ADCY1: variants seen among roughly 807,000 people sequenced by gnomAD.
The protein encoded by ADCY1 is adenylate cyclase 1.
ADCY1 carries 28 observed loss-of-function variants against 105.4 expected under a neutral mutation model. The ratio of observed to expected loss-of-function variants is 0.27; its 90% confidence interval spans 0.20 to 0.36. The LOEUF is 0.36. Among genes scored for constraint, ADCY1 ranks in the 10% least tolerant of loss-of-function variants. ADCY1 has a pLI of 1.00. For missense variants in ADCY1, 977 were observed against 1,434.2 expected (o/e 0.68, Z 5.15); for synonymous variants, 655 against 623.8 (o/e 1.05, Z -0.75).
At chr7:45,701,472 G>A (rs112147081) in intron 14 of ADCY1, among the ~76,000 whole-genome samples, 96 of 152,180 alleles carry the variant, frequency 6.3e-4, no homozygotes, top group East Asian at 1.5e-3. Context: ...ATTCAATTAC[G>A]TTGTTTTCAC....
rs1182519617 is a variant in ADCY1 at position 45,685,009 on chromosome 7, C to T, written c.2014C>T (p.Arg672Cys). 4 of 1,614,172 alleles carry T rather than the reference C, an allele frequency of 2.5e-6. No individual in the cohort carries two copies. The highest frequency in any genetic ancestry group is 1.1e-5 in the South Asian group (1 of 91,078). The stretch of plus-strand genomic sequence containing the variant: ...TCCAGGGTGCCTGACGATTCAGATT[C>T]GCACTGTCCTGTGTATTTTCATAGT... ...CFPGCLTIQIRTVLCIFIVVL... is the reference protein window; with the variant it reads ...CFPGCLTIQICTVLCIFIVVL... Residue 672 changes from arginine (R) to cysteine (C), a missense_variant, in exon 12 of 20, where the codon CGC becomes TGC. Around this residue, in one of 7 missense-constraint regions of ADCY1, gnomAD observed 275 missense variants for 362.1 expected, o/e 0.76. Coordinates refer to ENST00000297323, the MANE Select transcript of ADCY1 (RefSeq NM_021116.4).
chr7:45,594,866 C>G (rs1209529042), intron 2 of ADCY1, among the ~76,000 whole-genome samples: 1 of 152,088 alleles, frequency 6.6e-6, no homozygotes, highest in African/African-American at 2.4e-5. Flanking sequence ...CAGATTTTGT[C>G]TTTATGTTTA....
At chr7:45,677,049 C>T (rs1184113218) in intron 8 of ADCY1, among the ~76,000 whole-genome samples, 1 of 151,860 alleles carries the variant, frequency 6.6e-6, no homozygotes, top group East Asian at 1.9e-4. Flanking sequence ...AGAAAGAAAC[C>T]TCAAGGGACA....
At chr7:45,608,409 G>A (rs1793439049) in intron 2 of ADCY1, among the ~76,000 whole-genome samples, 1 of 152,224 alleles carries the variant, frequency 6.6e-6, no homozygotes, top group Non-Finnish European at 1.5e-5. Context: ...TGGAAAGTAT[G>A]GTCTTTATTC....
At chr7:45,603,608 C>A (rs1793299754) in intron 2 of ADCY1, among the ~76,000 whole-genome samples, 1 of 152,314 alleles carries the variant, frequency 6.6e-6, no homozygotes, top group Middle Eastern at 3.4e-3. Context: ...TACAATATCA[C>A]AACTAGGATA....
At position 45,702,611 on chromosome 7, in the gene ADCY1, T is replaced by C. The variant is rs148709956; in HGVS notation, c.2455-765T>C. Reference sequence around the variant, plus strand: ...TGGTGGCTTCTGCCTCCTAGGGCTGTGCTGGGTCCTGCCAAGAGCACTTCT... The same window carrying C: ...TGGTGGCTTCTGCCTCCTAGGGCTGCGCTGGGTCCTGCCAAGAGCACTTCT... On this transcript the variant is annotated intron_variant, in intron 14 of 19. Transcript: ENST00000297323. 4.1e-3 allele frequency among the ~76,000 whole-genome samples: 621 copies of C among 152,370 alleles called. 4 individuals carry two copies. Among genetic ancestry groups the C allele is most frequent in the African/African-American group, 0.014 (568 of 41,586 alleles).
chr7:45,579,497 C>A (rs1456050098), intron 1 of ADCY1, among the ~76,000 whole-genome samples: 1 of 152,146 alleles, frequency 6.6e-6, no homozygotes. Flanking sequence ...TCCTCCACTT[C>A]CCCTCCCACT....
chr7:45,711,343 C>T (rs192520670), intron 19 of ADCY1, among the ~76,000 whole-genome samples: 3 of 152,088 alleles, frequency 2.0e-5, no homozygotes, highest in South Asian at 2.1e-4. Context: ...TCCCCAGGCA[C>T]GTGACAGCAG....
At chr7:45,689,685 A>T (rs1037503771) in intron 14 of ADCY1, among the ~76,000 whole-genome samples, 1 of 152,184 alleles carries the variant, frequency 6.6e-6, no homozygotes, top group African/African-American at 2.4e-5. Context: ...TACCCAAACC[A>T]TATCAACATC....
intron 4 of ADCY1, among the ~76,000 whole-genome samples, chr7:45,639,072 G>T (rs1794471964): frequency 6.6e-6 from 1 of 152,146 alleles, no homozygotes; most frequent in African/African-American, 2.4e-5. Context: ...TGACGTGCAG[G>T]CTTGGAAAAT....
intron 17 of ADCY1, among the ~76,000 whole-genome samples, chr7:45,706,372 G>A (rs983643842): frequency 6.6e-6 from 1 of 151,340 alleles, no homozygotes; most frequent in East Asian, 2.0e-4. Context: ...AGACTAGGGA[G>A]CCCAGAAATA....
At chr7:45,698,326 T>C (rs1784926585) in intron 14 of ADCY1, among the ~76,000 whole-genome samples, 1 of 152,240 alleles carries the variant, frequency 6.6e-6, no homozygotes, top group South Asian at 2.1e-4. Flanking sequence ...TTTTAATTCA[T>C]TGAATTGTTC....
chr7:45,579,041 C>G (rs150153106), intron 1 of ADCY1, among the ~76,000 whole-genome samples: 1 of 152,318 alleles, frequency 6.6e-6, no homozygotes, highest in African/African-American at 2.4e-5. Flanking sequence ...TGGGAGTCAG[C>G]TGAAATTTCC....
At chr7:45,649,806 G>A (rs766264361) in intron 5 of ADCY1, among the ~76,000 whole-genome samples, 3 of 152,324 alleles carry the variant, frequency 2.0e-5, no homozygotes, top group East Asian at 1.9e-4. Context: ...CACCAACACG[G>A]CTTCATGTCA....
At chr7:45,685,856 A>C (rs1339318351) in intron 12 of ADCY1, 106 bp from the exon 13 acceptor site, 1 of 1,425,170 alleles carries the variant, frequency 7.0e-7, no homozygotes, top group African/African-American at 1.4e-5. Flanking sequence ...GGTGGGTCAG[A>C]GCAAAACCTT....
chr7:45,655,643 T>C (rs1794918154), intron 5 of ADCY1, among the ~76,000 whole-genome samples: 1 of 152,194 alleles, frequency 6.6e-6, no homozygotes, highest in Admixed American at 6.5e-5. Flanking sequence ...CAGAACCGAC[T>C]GGGAAAGATT....
At chr7:45,630,797 A>G (rs1195853368) in intron 4 of ADCY1, among the ~76,000 whole-genome samples, 2 of 152,174 alleles carry the variant, frequency 1.3e-5, no homozygotes, top group African/African-American at 4.8e-5. Flanking sequence ...AATTTATTAC[A>G]TTAGAAAGAT....
At position 45,641,230 on chromosome 7, in the gene ADCY1, C is replaced by T. The variant is rs151159509; in HGVS notation, c.1021-7440C>T. ...GGCTTGATTCCGAGGCCAGGAATCA[C>T]CAGGCAGCTGCAAGGACTGCACCCA... On this transcript the variant is annotated intron_variant, in intron 4 of 19. Transcript: ENST00000297323. 1.7e-4 allele frequency among the ~76,000 whole-genome samples: 26 copies of T among 152,284 alleles called. No homozygotes were observed. In the East Asian group the frequency reaches 4.8e-3, roughly 28 times the overall value.
At chr7:45,588,503 A>C (rs924857709) in intron 1 of ADCY1, among the ~76,000 whole-genome samples, 1 of 152,166 alleles carries the variant, frequency 6.6e-6, no homozygotes, top group South Asian at 2.1e-4. Context: ...ACACATTTCT[A>C]TAAACGTTTG....
Sources: gnomAD v4.1 joint callset for allele counts (sites outside exome capture counted in the v4.1 genomes callset) on GRCh38, gnomAD v4.1.1 for gene constraint, gnomAD v4.1.1 regional missense constraint, MANE v1.5 for transcripts, NCBI Gene and HGNC (gene_info 2026-07-23, HGNC 2026-07-21) for gene names.